LDB2: variants seen among roughly 807,000 people sequenced by gnomAD.
LDB2 encodes LIM domain binding 2.
A neutral mutation model predicts 44.3 loss-of-function variants in LDB2; 12 were observed. That is an observed-to-expected ratio of 0.27 (90% CI 0.17 to 0.44). The LOEUF (loss-of-function observed/expected upper bound fraction) is 0.44. Ranked by LOEUF, LDB2 falls within the 20% of genes least tolerant of loss-of-function variation. The probability of loss-of-function intolerance (pLI) is 1.00; values close to 1 mark genes in which losing one functional copy is unlikely to be tolerated. For missense variants in LDB2, 344 were observed against 473.5 expected, an observed-to-expected ratio of 0.73 and a Z score of 2.54; for synonymous variants, 164 against 174.8, an observed-to-expected ratio of 0.94 and a Z score of 0.49.
chr4:16,863,039 G>C (rs529599211), intron 1 of LDB2, among the ~76,000 whole-genome samples: 4 of 152,232 alleles, frequency 2.6e-5, no homozygotes, highest in Admixed American at 6.5e-5. Flanking sequence ...CAGAGGGCAC[G>C]GGCTCCAGCC....
intron 2 of LDB2, among the ~76,000 whole-genome samples, chr4:16,705,583 C>T (rs1754424665): frequency 6.6e-6 from 1 of 152,116 alleles, no homozygotes; most frequent in South Asian, 2.1e-4. Flanking sequence ...ACAGGGCTGC[C>T]CTAGCCTACC....
Position 16,735,784 on chromosome 4 carries a change from C to G in LDB2, c.235+23374G>C, listed in dbSNP as rs190305825. Reference sequence around the variant, plus strand: ...AAAGCTATACCTTCAGATTAGTAAGCACTACAGGATATTTGCCTGAACAGT... The same window carrying G: ...AAAGCTATACCTTCAGATTAGTAAGGACTACAGGATATTTGCCTGAACAGT... On this transcript the variant is annotated intron_variant, in intron 2 of 7. Transcript: ENST00000304523. 2.2e-3 allele frequency among the ~76,000 whole-genome samples: 335 copies of G among 152,204 alleles called. 2 individuals carry two copies. The highest frequency in any genetic ancestry group is 2.4e-3 in the Admixed American group (36 of 15,284).
At chr4:16,616,106 T>G (rs1042450701) in intron 2 of LDB2, among the ~76,000 whole-genome samples, 2 of 152,156 alleles carry the variant, frequency 1.3e-5, no homozygotes, top group Non-Finnish European at 2.9e-5. Context: ...GATACTCACA[T>G]TATATACTAG....
At chr4:16,563,271 G>C (rs1042040476) in intron 5 of LDB2, among the ~76,000 whole-genome samples, 1 of 151,184 alleles carries the variant, frequency 6.6e-6, no homozygotes. Flanking sequence ...ATCTCCCTCA[G>C]GATTCCAGGA....
At chr4:16,748,704 A>G (rs370784535) in intron 2 of LDB2, among the ~76,000 whole-genome samples, 6 of 152,190 alleles carry the variant, frequency 3.9e-5, no homozygotes, top group Admixed American at 1.3e-4. Context: ...CCAAAATATC[A>G]CCAGCCATTA....
chr4:16,642,846 T>C (rs1331926772), intron 2 of LDB2, among the ~76,000 whole-genome samples: 2 of 152,204 alleles, frequency 1.3e-5, no homozygotes, highest in Non-Finnish European at 2.9e-5. Flanking sequence ...AAATAAATCA[T>C]TCACATCAAG....
At position 16,704,911 on chromosome 4, in the gene LDB2, G is replaced by A. The variant is rs530945126; in HGVS notation, c.235+54247C>T. ...GTAACATACCTGAAAACCTAGTGAG[G>A]TCCTGTCTGCTTCCTCTAGGTCTAT... On this transcript the variant is annotated intron_variant, in intron 2 of 7. Coordinates refer to ENST00000304523, the MANE Select transcript of LDB2 (RefSeq NM_001290.5). Among the ~76,000 whole-genome samples the A allele has an allele frequency of 2.3e-3, 356 of 152,230 alleles. 2 individuals are homozygous for A. The highest frequency in any genetic ancestry group is 8.1e-3 in the African/African-American group (337 of 41,538).
At chr4:16,603,935 C>CAT (rs1480318520) in intron 2 of LDB2, among the ~76,000 whole-genome samples, 3 of 152,206 alleles carry the variant, frequency 2.0e-5, no homozygotes, top group African/African-American at 7.2e-5. Context: ...GTAATGCAAT[C>CAT]ATAGCTCACT....
chr4:16,748,272 G>C (rs1388866597), intron 2 of LDB2, among the ~76,000 whole-genome samples: 4 of 152,144 alleles, frequency 2.6e-5, no homozygotes, highest in Non-Finnish European at 5.9e-5. Context: ...TCAAAGAGTA[G>C]TAAGGAGAAT....
intron 5 of LDB2, among the ~76,000 whole-genome samples, chr4:16,526,125 A>G (rs1321893657): frequency 6.6e-6 from 1 of 152,094 alleles, no homozygotes; most frequent in African/African-American, 2.4e-5. Flanking sequence ...TCCAGAGGAG[A>G]ATGGTGTGTG....
chr4:16,833,544 C>CTT lies in LDB2; in HGVS notation c.132+64808_132+64809dup, dbSNP rs34692758. ...CTTCACTTTCCACCAATCTTTTCCT[C>CTT]TTTTTTTTTTTTTTTTTGAGACGGA... On this transcript the variant is annotated intron_variant, in intron 1 of 7. Coordinates refer to ENST00000304523, the MANE Select transcript of LDB2 (RefSeq NM_001290.5). Among the ~76,000 whole-genome samples the CTT allele has an allele frequency of 1.4e-3, 184 of 129,828 alleles. 2 individuals are homozygous for CTT. Among genetic ancestry groups the CTT allele is most frequent in the African/African-American group, 3.7e-3 (126 of 33,786 alleles). 85.2% of individuals were successfully genotyped at this position (129,828 alleles called of 152,430 possible). A position where few individuals can be genotyped will look rare whatever the true frequency, so the allele number is the denominator to read the frequency against.
At chr4:16,713,712 G>C (rs1437346434) in intron 2 of LDB2, among the ~76,000 whole-genome samples, 1 of 152,174 alleles carries the variant, frequency 6.6e-6, no homozygotes, top group African/African-American at 2.4e-5. Context: ...GCCATTTCTA[G>C]AGCTAGTGGG....
rs77309727 is a variant in LDB2, at chr4:16,660,194, C to T, written c.236-64319G>A. 3.2e-3 allele frequency among the ~76,000 whole-genome samples: 492 copies of T among 152,242 alleles called. 3 individuals are homozygous for T. Among genetic ancestry groups the T allele is most frequent in the African/African-American group, 0.012 (478 of 41,556 alleles). ...CAGAGGGAAAAGAGGGTACATATTTCTTCTGGTTCTCTGATGCAGAATCCT... is the reference window on the plus strand; with the variant it reads ...CAGAGGGAAAAGAGGGTACATATTTTTTCTGGTTCTCTGATGCAGAATCCT... On this transcript the variant is annotated intron_variant, in intron 2 of 7. Coordinates refer to ENST00000304523, the MANE Select transcript of LDB2 (RefSeq NM_001290.5).
At chr4:16,583,917 A>G (rs533456045) in intron 5 of LDB2, among the ~76,000 whole-genome samples, 58 of 152,322 alleles carry the variant, frequency 3.8e-4, no homozygotes, top group African/African-American at 1.4e-3. Flanking sequence ...CCAACTGAGG[A>G]CAGAGGCCAT....
chr4:16,643,671 T>G (rs553977661), intron 2 of LDB2, among the ~76,000 whole-genome samples: 40 of 152,328 alleles, frequency 2.6e-4, no homozygotes, highest in Admixed American at 2.6e-4. Flanking sequence ...CAAAATATTT[T>G]GTCTATTCCA....
intron 1 of LDB2, among the ~76,000 whole-genome samples, chr4:16,782,929 GA>G (rs956664390): frequency 6.6e-6 from 1 of 151,426 alleles, no homozygotes; most frequent in South Asian, 2.1e-4. Flanking sequence ...AGAAGTACTT[GA>G]AAAAAAATAA....
chr4:16,530,713 A>G (rs769165385), intron 5 of LDB2, among the ~76,000 whole-genome samples: 1 of 152,148 alleles, frequency 6.6e-6, no homozygotes, highest in African/African-American at 2.4e-5. Context: ...TTTCCCATCT[A>G]TCCTCACAGA....
chr4:16,687,838 C>T lies in LDB2; in HGVS notation c.235+71320G>A, dbSNP rs139173456. The stretch of plus-strand genomic sequence containing the variant: ...AAATTCTCAGGAAGAGAAGTTAGCA[C>T]GTTTTGGAACTGAAATTAACCTTAT... On this transcript the variant is annotated intron_variant, in intron 2 of 7. Coordinates refer to ENST00000304523, the MANE Select transcript of LDB2 (RefSeq NM_001290.5). 1.1e-4 allele frequency among the ~76,000 whole-genome samples: 17 copies of T among 152,224 alleles called. No homozygotes were observed. In the East Asian group the frequency reaches 1.5e-3, roughly 14 times the overall value.
intron 2 of LDB2, among the ~76,000 whole-genome samples, chr4:16,726,669 A>G (rs1034090769): frequency 2.6e-5 from 4 of 152,218 alleles, no homozygotes; most frequent in Admixed American, 2.6e-4. Flanking sequence ...TATTATTTAT[A>G]AGGAAGACTT....
Sources: gnomAD v4.1 joint callset for allele counts (sites outside exome capture counted in the v4.1 genomes callset) on GRCh38, gnomAD v4.1.1 for gene constraint, MANE v1.5 for transcripts, NCBI Gene and HGNC (gene_info 2026-07-23, HGNC 2026-07-21) for gene names.